RAB8B: variants seen among roughly 807,000 people sequenced by gnomAD.
RAB8B encodes the protein ras-related protein Rab-8B.
RAB8B carries 11 observed loss-of-function variants against 32.0 expected under a neutral mutation model. The ratio of observed to expected loss-of-function variants is 0.34; its 90% CI spans 0.22 to 0.57. The LOEUF is 0.57. Ranked by LOEUF, RAB8B falls within the 20% of genes least tolerant of loss-of-function variation. RAB8B has a pLI of 0.86. For missense variants in RAB8B, 190 were observed against 258.5 expected (o/e 0.73, Z 1.82); for synonymous variants, 103 against 89.6 (o/e 1.15, Z -0.85).
intron 1 of RAB8B, among the ~76,000 whole-genome samples, chr15:63,242,170 G>A (rs1309013222): frequency 6.6e-6 from 1 of 151,686 alleles, no homozygotes; most frequent in Non-Finnish European, 1.5e-5. Context: ...TGCTAAATTA[G>A]CTTGGGTGTG....
chr15:63,211,123 T>C (rs1263900115), intron 1 of RAB8B, among the ~76,000 whole-genome samples: 1 of 152,242 alleles, frequency 6.6e-6, no homozygotes, highest in Non-Finnish European at 1.5e-5. Context: ...GCGTCTTATC[T>C]GCAAAAACCC....
At chr15:63,223,922 T>G (rs755074417) in intron 1 of RAB8B, 1 of 402,704 alleles carries the variant, frequency 2.5e-6, no homozygotes, top group Non-Finnish European at 5.0e-6. Flanking sequence ...AGCAGTGTGA[T>G]GTAGTGGACA....
intron 1 of RAB8B, among the ~76,000 whole-genome samples, chr15:63,219,306 A>AG (rs1425393399): frequency 2.6e-5 from 4 of 151,886 alleles, no homozygotes; most frequent in African/African-American, 9.7e-5. Context: ...AAAAAAAAAA[A>AG]AAAAGAAAGA....
At chr15:63,218,029 T>G (rs36055919) in intron 1 of RAB8B, among the ~76,000 whole-genome samples, 20,889 of 152,108 alleles carry the variant, frequency 0.14, 1,869 homozygotes, top group East Asian at 0.46. Context: ...GACCAGTTCC[T>G]TTTTGCCTTT....
intron 1 of RAB8B, among the ~76,000 whole-genome samples, chr15:63,240,290 A>G (rs762977310): frequency 8.5e-5 from 13 of 152,230 alleles, no homozygotes; most frequent in Non-Finnish European, 1.9e-4. Context: ...CAAATAATCC[A>G]TGCATGAAGT....
At chr15:63,227,969 C>G (rs901713904) in intron 1 of RAB8B, among the ~76,000 whole-genome samples, 2 of 150,784 alleles carry the variant, frequency 1.3e-5, no homozygotes, top group African/African-American at 4.9e-5. Flanking sequence ...TCCTTTTCTT[C>G]CTTTCCTTTC....
intron 1 of RAB8B, among the ~76,000 whole-genome samples, chr15:63,231,610 A>G (rs1467437638): frequency 6.6e-6 from 1 of 152,050 alleles, no homozygotes; most frequent in African/African-American, 2.4e-5. Flanking sequence ...TTCTAGGTTT[A>G]GGAAATAATA....
intron 6 of RAB8B, among the ~76,000 whole-genome samples, chr15:63,260,154 G>T (rs1488361465): frequency 6.6e-6 from 1 of 152,120 alleles, no homozygotes; most frequent in Non-Finnish European, 1.5e-5. Context: ...TTATGTAGAC[G>T]CTGGTTGTTG....
intron 1 of RAB8B, among the ~76,000 whole-genome samples, chr15:63,196,819 GGTTT>G (rs1237062042): frequency 4.6e-5 from 7 of 152,268 alleles, no homozygotes; most frequent in Admixed American, 4.6e-4. Context: ...CAGTTTGAAA[GGTTT>G]GTTTTAGAAT....
chr15:63,241,909 G>C (rs2038035122), intron 1 of RAB8B, among the ~76,000 whole-genome samples: 1 of 151,908 alleles, frequency 6.6e-6, no homozygotes, highest in African/African-American at 2.4e-5. Flanking sequence ...TCAGATGCTA[G>C]CAGTAATATT....
In RAB8B at chr15:63,244,618, A is replaced by C. The variant is rs1022083078; in HGVS notation, c.125-138A>C. On this transcript the variant is annotated intron_variant, in intron 1 of 7. Coordinates refer to ENST00000321437, the MANE Select transcript of RAB8B (RefSeq NM_016530.3). ...TCTCCAGCCTGTATTCAGAGGAAAC[A>C]TACCATTCACACCCTCTCTGTGTTC... 5 of 676,882 alleles carry C rather than the reference A, an allele frequency of 7.4e-6. No individual in the cohort carries two copies. The East Asian group carries it at 1.4e-4, about 19-fold the overall frequency. The allele number at this position is 676,882 out of a possible 1,614,324, so 41.9% of individuals were successfully genotyped here. A position where few individuals can be genotyped will look rare whatever the true frequency, so the allele number is the denominator to read the frequency against.
chr15:63,219,314 A>G (rs941053077), intron 1 of RAB8B, among the ~76,000 whole-genome samples: 3 of 151,800 alleles, frequency 2.0e-5, no homozygotes, highest in Non-Finnish European at 2.9e-5. Flanking sequence ...AAAAAAAGAA[A>G]GAAAGAGAGA....
At chr15:63,254,717 C>T (rs1254364941) in intron 3 of RAB8B, among the ~76,000 whole-genome samples, 1 of 152,028 alleles carries the variant, frequency 6.6e-6, no homozygotes. Flanking sequence ...TCGAAACCAT[C>T]CTGGCTAATA....
At position 63,230,869 on chromosome 15, in the gene RAB8B, A is replaced by G. The variant is rs142231646; in HGVS notation, c.125-13887A>G. 1.8e-3 allele frequency among the ~76,000 whole-genome samples: 275 copies of G among 152,148 alleles called. 1 individual carries two copies. Among genetic ancestry groups the G allele is most frequent in the African/African-American group, 6.5e-3 (268 of 41,500 alleles). ...TGCCACCATGCCCAGCTAATTTTTA[A>G]TTTAATTTAATTTAATTTGTAGAGA... is the stretch of plus-strand genomic sequence containing the variant. On this transcript the variant is annotated intron_variant, in intron 1 of 7. Coordinates refer to ENST00000321437, the MANE Select transcript of RAB8B (RefSeq NM_016530.3).
chr15:63,246,909 A>C (rs543996773), intron 2 of RAB8B, among the ~76,000 whole-genome samples: 3 of 152,338 alleles, frequency 2.0e-5, no homozygotes, highest in African/African-American at 7.2e-5. Context: ...TGGAGATTCC[A>C]AGAATTTTAG....
intron 1 of RAB8B, among the ~76,000 whole-genome samples, chr15:63,195,431 T>C (rs999926187): frequency 6.6e-6 from 1 of 152,252 alleles, no homozygotes; most frequent in Non-Finnish European, 1.5e-5. Flanking sequence ...CTTCACCAGC[T>C]GTTCTGCAGG....
At chr15:63,212,213 C>G (rs890728941) in intron 1 of RAB8B, among the ~76,000 whole-genome samples, 1 of 152,144 alleles carries the variant, frequency 6.6e-6, no homozygotes, top group African/African-American at 2.4e-5. Flanking sequence ...GTATAACAAG[C>G]AGAGCATGCT....
intron 3 of RAB8B, among the ~76,000 whole-genome samples, chr15:63,250,842 G>A (rs2038111801): frequency 6.6e-6 from 1 of 150,876 alleles, no homozygotes; most frequent in Admixed American, 6.7e-5. Context: ...TAGATTGTAG[G>A]GTACCAGCTG....
intron 1 of RAB8B, among the ~76,000 whole-genome samples, chr15:63,194,982 T>C (rs1248452025): frequency 6.6e-6 from 1 of 152,244 alleles, no homozygotes; most frequent in Admixed American, 6.5e-5. Context: ...TCAAGACTTA[T>C]TGACTGAAAA....
Sources: allele counts gnomAD v4.1 joint callset (sites outside exome capture counted in the v4.1 genomes callset), GRCh38; gene constraint gnomAD v4.1.1; transcripts MANE v1.5; gene names NCBI Gene and HGNC (gene_info 2026-07-23, HGNC 2026-07-21).